Variants in NCOR2 observed in about 807,000 individuals in gnomAD.
NCOR2 encodes CTG repeat protein 26.
In NCOR2, 81 loss-of-function variants were observed where a neutral mutation model predicts 262.9. The observed-to-expected ratio is 0.31, with a 90% CI of 0.26 to 0.37. The LOEUF (loss-of-function observed/expected upper bound fraction) is 0.37. Ranked by LOEUF, NCOR2 falls within the 10% of genes least tolerant of loss-of-function variation. The pLI is 1.00. For missense variants in NCOR2, 3,385 were observed against 3,621.4 expected (o/e 0.93, Z 1.68); for synonymous variants, 1,659 against 1,559.3 (o/e 1.06, Z -1.51).
intron 28 of NCOR2, 181 bp from the exon 31 acceptor site, chr12:124,348,495 C>T (rs1295645630): frequency 1.2e-5 from 9 of 742,214 alleles, no homozygotes; most frequent in East Asian, 2.9e-5. Flanking sequence ...TGGGGGCCTG[C>T]CAGCAGGACC....
chr12:124,392,173 G>A (rs1000840525), intron 16 of NCOR2, among the ~76,000 whole-genome samples: 5 of 152,190 alleles, frequency 3.3e-5, no homozygotes, highest in African/African-American at 7.2e-5. Flanking sequence ...ATGTGGATGC[G>A]GATTCATGGG....
At chr12:124,442,918 A>C (rs2044906701) in intron 7 of NCOR2, among the ~76,000 whole-genome samples, 2 of 152,248 alleles carry the variant, frequency 1.3e-5, no homozygotes, top group Admixed American at 1.3e-4. Context: ...AGACACGGGA[A>C]GAACACCACA....
At chr12:124,379,359 G>C (rs563375188) in intron 17 of NCOR2, among the ~76,000 whole-genome samples, 1 of 152,222 alleles carries the variant, frequency 6.6e-6, no homozygotes. Context: ...GCTCACTGGG[G>C]TGGGTGTCTC....
chr12:124,400,785 C>T (rs1462103228), intron 14 of NCOR2, 112 bp from the exon 17 acceptor site: 1 of 1,362,540 alleles, frequency 7.3e-7, no homozygotes, highest in Non-Finnish European at 1.0e-6. Flanking sequence ...AGCCATGGCA[C>T]TAATCGGACG....
chr12:124,517,656 G>T lies in NCOR2; in HGVS notation c.-118+17909C>A, dbSNP rs2049896507. ...CCTGAAGTCAACTCCGGGAACAGAA[G>T]CCCCCTGAGCCCCCAAGGCTCGCCA... On this transcript the variant is annotated intron_variant, in intron 1 of 46. Coordinates refer to the NCOR2 transcript ENST00000404621. This position sits in a 1 kb window ranked among gnomAD's most constrained non-coding sequence, Gnocchi z 7.6. Among the ~76,000 whole-genome samples, 2 of 152,182 alleles carry T rather than the reference G, an allele frequency of 1.3e-5. No individual in the cohort carries two copies. The highest frequency in any genetic ancestry group is 6.5e-5 in the Admixed American group (1 of 15,294).
chr12:124,452,748 C>T (rs2045625323), intron 6 of NCOR2, among the ~76,000 whole-genome samples: 2 of 152,324 alleles, frequency 1.3e-5, no homozygotes, highest in South Asian at 4.1e-4. Context: ...CAGCCTCCAA[C>T]CCACCAAAGC....
chr12:124,472,994 G>A, exon 4 of NCOR2: 2 of 1,614,184 alleles, frequency 1.2e-6, no homozygotes, highest in Admixed American at 1.7e-5. Context: ...CTACCATGGT[G>A]ATCTCTCGGT....
At chr12:124,402,878 C>T (rs1041337205) in intron 13 of NCOR2, among the ~76,000 whole-genome samples, 1 of 152,154 alleles carries the variant, frequency 6.6e-6, no homozygotes, top group African/African-American at 2.4e-5. Context: ...GGATGAGGGT[C>T]TTAACCTCTC....
intron 1 of NCOR2, among the ~76,000 whole-genome samples, chr12:124,516,507 A>G (rs1381174634): frequency 6.6e-6 from 1 of 152,210 alleles, no homozygotes; most frequent in Non-Finnish European, 1.5e-5. Flanking sequence ...GAAAAGAAAA[A>G]TGGACGGAAC....
In NCOR2 at chr12:124,531,527, G is replaced by C. The variant is rs566703514; in HGVS notation, c.-118+4038C>G. ...GGAGGGGTAGGGAGCAGGAAGGAAGGGGGAGGGGAGGAAGGGATTGCAGGG... is the reference window on the plus strand; with the variant it reads ...GGAGGGGTAGGGAGCAGGAAGGAAGCGGGAGGGGAGGAAGGGATTGCAGGG... On this transcript the variant is annotated intron_variant, in intron 1 of 46. Coordinates refer to the NCOR2 transcript ENST00000404621. This position sits in a 1 kb window ranked among gnomAD's most constrained non-coding sequence, Gnocchi z 4.5. Among the ~76,000 whole-genome samples the C allele has an allele frequency of 1.3e-5, 2 of 152,292 alleles. No homozygotes were observed. Among genetic ancestry groups the C allele is most frequent in the South Asian group, 2.1e-4 (1 of 4,824 alleles).
chr12:124,485,128 T>G (rs2047708323), intron 2 of NCOR2, among the ~76,000 whole-genome samples: 1 of 152,200 alleles, frequency 6.6e-6, no homozygotes, highest in Admixed American at 6.5e-5. Context: ...CTCTTAAACA[T>G]GATAGTGGCA....
At chr12:124,473,463 T>C (rs2046933017) in intron 3 of NCOR2, among the ~76,000 whole-genome samples, 1 of 152,200 alleles carries the variant, frequency 6.6e-6, no homozygotes. Flanking sequence ...AACATCACAC[T>C]CCAAGTTCTT....
chr12:124,376,940 G>C (rs548189143), intron 18 of NCOR2, among the ~76,000 whole-genome samples: 23 of 152,326 alleles, frequency 1.5e-4, no homozygotes, highest in Admixed American at 1.0e-3. Flanking sequence ...ACACTCAGCA[G>C]AGAAGGGCTG....
chr12:124,550,582 G>GGGGGGTA (rs949160696), intron 1 of NCOR2, among the ~76,000 whole-genome samples: 4 of 152,160 alleles, frequency 2.6e-5, no homozygotes, highest in African/African-American at 9.7e-5. Flanking sequence ...GTCTCTCTCT[G>GGGGGGTA]GGGGGTAGGA....
intron 7 of NCOR2, among the ~76,000 whole-genome samples, chr12:124,441,881 C>G (rs1246155547): frequency 1.3e-5 from 2 of 152,212 alleles, no homozygotes; most frequent in African/African-American, 4.8e-5. Flanking sequence ...CCCAGTCTTA[C>G]CAGGAGGAAA....
At chr12:124,507,750 G>C (rs2049128879) in intron 1 of NCOR2, among the ~76,000 whole-genome samples, 1 of 152,270 alleles carries the variant, frequency 6.6e-6, no homozygotes, top group South Asian at 2.1e-4. Context: ...CAGGGCCAGA[G>C]CCCTTCTCTC....
chr12:124,526,206 T>G (rs1220132630), intron 1 of NCOR2, among the ~76,000 whole-genome samples: 1 of 152,158 alleles, frequency 6.6e-6, no homozygotes, highest in African/African-American at 2.4e-5. Flanking sequence ...CACACAATTC[T>G]TCATGTGGGT....
chr12:124,563,087 T>A (rs938788621), intron 1 of NCOR2, among the ~76,000 whole-genome samples: 1 of 152,102 alleles, frequency 6.6e-6, no homozygotes, highest in South Asian at 2.1e-4. Context: ...GGCTCTCCAA[T>A]ATGGCACAGG....
At chr12:124,393,606 G>C (rs931597772) in intron 16 of NCOR2, among the ~76,000 whole-genome samples, 1 of 152,204 alleles carries the variant, frequency 6.6e-6, no homozygotes, top group Non-Finnish European at 1.5e-5. Context: ...TTTGTTACCT[G>C]GTCAACAGGT....
Sources: gnomAD v4.1 joint callset for allele counts (sites outside exome capture counted in the v4.1 genomes callset) on GRCh38, gnomAD v4.1.1 for gene constraint, Gnocchi (gnomAD v3.1) non-coding constraint, MANE v1.5 for transcripts, NCBI Gene and HGNC (gene_info 2026-07-23, HGNC 2026-07-21) for gene names.